Variants in NDUFA5 observed in about 807,000 individuals in gnomAD.
NDUFA5 encodes the protein NADH:ubiquinone oxidoreductase subunit A5, also known as NADH dehydrogenase [ubiquinone] 1 alpha subcomplex subunit 5.
In NDUFA5, 11 loss-of-function variants were observed where a neutral mutation model predicts 19.8. That is an observed-to-expected ratio of 0.56 (90% CI 0.35 to 0.92). NDUFA5 has a LOEUF of 0.92. Ranked by LOEUF, NDUFA5 falls within the 40% of genes least tolerant of loss-of-function variation. The pLI is 0.01. For synonymous variants in NDUFA5, 47 were observed against 46.8 expected, an observed-to-expected ratio of 1.00 and a Z score of -0.01; for missense variants, 109 against 134.2, an observed-to-expected ratio of 0.81 and a Z score of 0.93.
Position 123,540,598 on chromosome 7 carries a change from T to C in NDUFA5, c.*1521A>G, listed in dbSNP as rs1320643775. 1 of 152,170 alleles carries C rather than the reference T, an allele frequency of 6.6e-6. No individual in the cohort carries two copies. The highest frequency in any genetic ancestry group is 1.5e-5 in the Non-Finnish European group (1 of 68,034). The allele number at this position is 152,170 out of a possible 1,614,324, so 9.4% of individuals were successfully genotyped here. ...AAATGTTGTTATAAATCATATTCTA[T>C]TTCTTTTGCAGCATTAGAAATAGGC... On this transcript the variant is annotated 3_prime_UTR_variant, in exon 5 of 5. Coordinates refer to ENST00000355749, the MANE Select transcript of NDUFA5 (RefSeq NM_005000.5).
At chr7:123,584,174 C>G in the NDUFA5 span, among the ~76,000 whole-genome samples, 1 of 151,794 alleles carries the variant, frequency 6.6e-6, no homozygotes, top group Admixed American at 6.6e-5. Flanking sequence ...TCTTGTTAGA[C>G]TTTGATAGGT....
the NDUFA5 span, among the ~76,000 whole-genome samples, chr7:123,582,218 A>G: frequency 1.3e-5 from 2 of 151,902 alleles, no homozygotes; most frequent in African/African-American, 4.8e-5. Flanking sequence ...GGTTCAACCC[A>G]CAGTATGTGA....
intron 4 of NDUFA5, among the ~76,000 whole-genome samples, chr7:123,545,123 G>C (rs769413494): frequency 1.3e-5 from 2 of 151,818 alleles, no homozygotes; most frequent in Non-Finnish European, 1.5e-5. Flanking sequence ...TATTTGTCAG[G>C]GTTAGTATTT....
At chr7:123,567,476 A>G in the NDUFA5 span, among the ~76,000 whole-genome samples, 2 of 152,222 alleles carry the variant, frequency 1.3e-5, no homozygotes, top group African/African-American at 4.8e-5. Flanking sequence ...TTGTTTATCC[A>G]AAATTAAGTG....
chr7:123,570,766 A>G, the NDUFA5 span, among the ~76,000 whole-genome samples: 3 of 152,138 alleles, frequency 2.0e-5, no homozygotes, highest in African/African-American at 4.8e-5. Context: ...GTAGGTTTAT[A>G]TATCTTTGCT....
rs1797851220 is a variant in NDUFA5 at position 123,539,257 on chromosome 7, C to T, written c.*2862G>A. On this transcript the variant is annotated 3_prime_UTR_variant, in exon 5 of 5. Coordinates refer to ENST00000355749, the MANE Select transcript of NDUFA5 (RefSeq NM_005000.5). The stretch of plus-strand genomic sequence containing the variant: ...GACAGTCATGGTGTACATCTGTTAT[C>T]CTTATGTAATTATTTTCACTCAAAA... 1 of 152,100 alleles carries T rather than the reference C, an allele frequency of 6.6e-6. No individual in the cohort carries two copies. Among genetic ancestry groups the T allele is most frequent in the South Asian group, 2.1e-4 (1 of 4,834 alleles). 9.4% of individuals were successfully genotyped at this position (152,100 alleles called of 1,614,324 possible). A position where few individuals can be genotyped will look rare whatever the true frequency, so the allele number is the denominator to read the frequency against.
the NDUFA5 span, among the ~76,000 whole-genome samples, chr7:123,563,428 C>T: frequency 2.0e-5 from 3 of 152,096 alleles, no homozygotes; most frequent in East Asian, 3.9e-4. Context: ...GGTGGAGCAA[C>T]CAGAACACAA....
the NDUFA5 span, among the ~76,000 whole-genome samples, chr7:123,572,431 G>A: frequency 1.3e-5 from 2 of 151,814 alleles, no homozygotes; most frequent in African/African-American, 4.8e-5. Context: ...GAGCCACCAC[G>A]CCCAGCCTAG....
the NDUFA5 span, among the ~76,000 whole-genome samples, chr7:123,566,131 C>A: frequency 6.6e-6 from 1 of 152,066 alleles, no homozygotes; most frequent in African/African-American, 2.4e-5. Context: ...TCAATGATGT[C>A]CTTATTAAAA....
the NDUFA5 span, among the ~76,000 whole-genome samples, chr7:123,569,047 A>G: frequency 2.6e-5 from 4 of 152,244 alleles, no homozygotes; most frequent in African/African-American, 4.8e-5. Flanking sequence ...AATAAACTAC[A>G]TAACAACTAA....
the NDUFA5 span, among the ~76,000 whole-genome samples, chr7:123,597,569 C>T: frequency 7.2e-5 from 11 of 152,154 alleles, no homozygotes; most frequent in Admixed American, 6.5e-5. Context: ...TGGTGGCTCA[C>T]GCCTGTAATC....
At position 123,540,890 on chromosome 7, in the gene NDUFA5, G is replaced by GCCCACACA. The variant is rs766305834; in HGVS notation, c.*1228_*1229insTGTGTGGG. ...TCTGAGCAAATGTGCGCATGCGCGT[G>GCCCACACA]CACACACACACACACACACACACAC... On this transcript the variant is annotated 3_prime_UTR_variant, in exon 5 of 5. Coordinates refer to ENST00000355749, the MANE Select transcript of NDUFA5 (RefSeq NM_005000.5). 2.2e-5 allele frequency: 3 copies of GCCCACACA among 133,908 alleles called. No homozygotes were observed. Among genetic ancestry groups the GCCCACACA allele is most frequent in the Non-Finnish European group, 3.2e-5 (2 of 63,210 alleles). 8.3% of individuals were successfully genotyped at this position (133,908 alleles called of 1,614,324 possible).
chr7:123,597,691 C>T, the NDUFA5 span, among the ~76,000 whole-genome samples: 15 of 152,062 alleles, frequency 9.9e-5, no homozygotes, highest in South Asian at 6.2e-4. Context: ...AATTAGAAGA[C>T]GTGGTGGCAC....
At chr7:123,590,775 T>G in the NDUFA5 span, among the ~76,000 whole-genome samples, 4 of 152,258 alleles carry the variant, frequency 2.6e-5, no homozygotes, top group Middle Eastern at 3.4e-3. Flanking sequence ...TTGTCTTGGC[T>G]ATGCGGGCTC....
Position 123,542,232 on chromosome 7 carries a change from A to C in NDUFA5, c.250-12T>G. On this transcript the variant is annotated splice_polypyrimidine_tract_variant and intron_variant, in intron 4 of 4. Transcript: ENST00000355749. ...AGTTCATGTTCAGCCTGTTAATACA[A>C]ATTTTTTAAAAGATCATTGGATTTT... The C allele has an allele frequency of 6.3e-7, 1 of 1,592,968 alleles. No homozygotes were observed. Among genetic ancestry groups the C allele is most frequent in the Non-Finnish European group, 8.6e-7 (1 of 1,168,500 alleles).
In NDUFA5 at chr7:123,538,520, G is replaced by A. The variant is rs1797820507; in HGVS notation, c.*3599C>T. The A allele has an allele frequency of 6.6e-6, 1 of 152,166 alleles. No homozygotes were observed. The highest frequency in any genetic ancestry group is 6.5e-5 in the Admixed American group (1 of 15,280). The allele number at this position is 152,166 out of a possible 1,614,324, so 9.4% of individuals were successfully genotyped here. ...TAAAACAATTGGCATTACTATTGTTGTAGCATAGGCTACAATCTCACTGAA... is the reference window on the plus strand; with the variant it reads ...TAAAACAATTGGCATTACTATTGTTATAGCATAGGCTACAATCTCACTGAA... On this transcript the variant is annotated 3_prime_UTR_variant, in exon 5 of 5. Transcript: ENST00000355749.
chr7:123,592,344 T>C, the NDUFA5 span, among the ~76,000 whole-genome samples: 1 of 152,240 alleles, frequency 6.6e-6, no homozygotes, highest in Admixed American at 6.5e-5. Flanking sequence ...AATTTGTTTC[T>C]CTTGCTTCTC....
chr7:123,545,729 A>T, intron 3 of NDUFA5, 53 bp from the exon 4 acceptor site: 2 of 1,202,172 alleles, frequency 1.7e-6, no homozygotes, highest in Non-Finnish European at 2.4e-6. Flanking sequence ...TGAATGTTTC[A>T]ATATCCTATA....
chr7:123,538,806 G>A lies in NDUFA5; in HGVS notation c.*3313C>T, dbSNP rs1214922956. ...CACAATACACTTGTGTAGGGTGTTA[G>A]ACTTCTGTATGTTTACATAATCATA... On this transcript the variant is annotated 3_prime_UTR_variant, in exon 5 of 5. Coordinates refer to ENST00000355749, the MANE Select transcript of NDUFA5 (RefSeq NM_005000.5). 2 of 152,174 alleles carry A rather than the reference G, an allele frequency of 1.3e-5. No individual in the cohort carries two copies. Among genetic ancestry groups the A allele is most frequent in the African/African-American group, 4.8e-5 (2 of 41,452 alleles). 9.4% of individuals were successfully genotyped at this position (152,174 alleles called of 1,614,324 possible).
Sources: allele counts gnomAD v4.1 joint callset (sites outside exome capture counted in the v4.1 genomes callset), GRCh38; gene constraint gnomAD v4.1.1; transcripts MANE v1.5; gene names NCBI Gene and HGNC (gene_info 2026-07-23, HGNC 2026-07-21).